The following ATP13A4 variants were observed in gnomAD, a reference collection of about 807,000 sequenced individuals.
ATP13A4 encodes the protein ATPase 13A4, also known as probable cation-transporting ATPase 13A4.
In ATP13A4, 114 loss-of-function variants were observed where a neutral mutation model predicts 142.5. That is an observed-to-expected ratio of 0.80 (90% CI 0.69 to 0.93). The LOEUF (loss-of-function observed/expected upper bound fraction) is 0.93. Ranked by LOEUF, ATP13A4 falls within the 40% of genes least tolerant of loss-of-function variation. The probability of loss-of-function intolerance (pLI) is 0.00; values close to 1 mark genes in which losing one functional copy is unlikely to be tolerated. For synonymous variants in ATP13A4, 488 were observed against 514.8 expected, an observed-to-expected ratio of 0.95 and a Z score of 0.70; for missense variants, 1,392 against 1,454.0, an observed-to-expected ratio of 0.96 and a Z score of 0.69.
chr3:193,479,740 C>A (rs185379352), intron 8 of ATP13A4, among the ~76,000 whole-genome samples: 1 of 152,250 alleles, frequency 6.6e-6, no homozygotes, highest in Non-Finnish European at 1.5e-5. Flanking sequence ...ATACCATCAT[C>A]ATTCTTCACA....
At chr3:193,494,457 C>A (rs1720116450) in intron 3 of ATP13A4, among the ~76,000 whole-genome samples, 1 of 151,862 alleles carries the variant, frequency 6.6e-6, no homozygotes, top group South Asian at 2.1e-4. Flanking sequence ...GTAGAAATCA[C>A]TAAGGAAGCA....
At chr3:193,479,923 T>G (rs952180639) in intron 8 of ATP13A4, among the ~76,000 whole-genome samples, 7 of 152,142 alleles carry the variant, frequency 4.6e-5, no homozygotes, top group African/African-American at 1.4e-4. Flanking sequence ...AATGGGGATA[T>G]AGACCAATGG....
At chr3:193,589,246 T>C (rs544155297) in intron 1 of ATP13A4, among the ~76,000 whole-genome samples, 18 of 152,234 alleles carry the variant, frequency 1.2e-4, no homozygotes, top group African/African-American at 3.9e-4. Flanking sequence ...CGACTAGGGT[T>C]CATAGGAAGT....
intron 8 of ATP13A4, among the ~76,000 whole-genome samples, chr3:193,477,772 C>T (rs970977579): frequency 6.6e-6 from 1 of 152,000 alleles, no homozygotes; most frequent in African/African-American, 2.4e-5. Flanking sequence ...AGCTTGAGTT[C>T]ATAGAGCAGA....
At chr3:193,515,648 A>T (rs759683196) in intron 1 of ATP13A4, among the ~76,000 whole-genome samples, 4 of 152,208 alleles carry the variant, frequency 2.6e-5, no homozygotes, top group African/African-American at 4.8e-5. Context: ...CAGAGGATAC[A>T]TACAAGACAA....
intron 17 of ATP13A4, among the ~76,000 whole-genome samples, chr3:193,448,949 G>A (rs550105420): frequency 6.6e-6 from 1 of 151,424 alleles, no homozygotes; most frequent in Non-Finnish European, 1.5e-5. Flanking sequence ...ACAAAGGGGA[G>A]TTTTAGTTCT....
At chr3:193,503,040 G>C (rs767823464) in intron 2 of ATP13A4, among the ~76,000 whole-genome samples, 10 of 151,840 alleles carry the variant, frequency 6.6e-5, no homozygotes, top group East Asian at 5.8e-4. Flanking sequence ...GGCGGGGCAG[G>C]GGGGGGAACT....
chr3:193,472,608 T>A (rs1009132266), intron 8 of ATP13A4, among the ~76,000 whole-genome samples: 2 of 152,254 alleles, frequency 1.3e-5, no homozygotes, highest in African/African-American at 4.8e-5. Flanking sequence ...TTTGTGTTAG[T>A]TGTGCGTCGC....
intron 2 of ATP13A4, among the ~76,000 whole-genome samples, chr3:193,503,521 G>A (rs1720676275): frequency 6.6e-6 from 1 of 152,240 alleles, no homozygotes; most frequent in Admixed American, 6.5e-5. Context: ...AACAGAAAAA[G>A]TCAAACGTGG....
intron 26 of ATP13A4, 122 bp downstream of exon 26, chr3:193,414,457 G>A: frequency 9.1e-7 from 1 of 1,095,998 alleles, no homozygotes; most frequent in Non-Finnish European, 1.4e-6. Context: ...ATTTGCCCAA[G>A]GGACTTTAAA....
intron 23 of ATP13A4, among the ~76,000 whole-genome samples, chr3:193,438,264 G>T (rs1716415896): frequency 6.6e-6 from 1 of 152,148 alleles, no homozygotes; most frequent in Non-Finnish European, 1.5e-5. Context: ...AACCTAATCA[G>T]TGAATTCACT....
At chr3:193,453,585 T>C (rs1473369027) in intron 17 of ATP13A4, among the ~76,000 whole-genome samples, 2 of 152,224 alleles carry the variant, frequency 1.3e-5, no homozygotes, top group African/African-American at 4.8e-5. Flanking sequence ...TTCTCTAGTA[T>C]GGCACCTCAG....
intron 8 of ATP13A4, among the ~76,000 whole-genome samples, chr3:193,479,307 C>G (rs1719153790): frequency 6.6e-6 from 1 of 151,986 alleles, no homozygotes; most frequent in Non-Finnish European, 1.5e-5. Context: ...GCATCCAAAT[C>G]AGTAAAGAGG....
intron 10 of ATP13A4, 148 bp from the exon 11 acceptor site, chr3:193,466,330 A>G: frequency 2.0e-6 from 2 of 1,012,354 alleles, no homozygotes; most frequent in East Asian, 2.5e-5. Context: ...AGAAAAATAC[A>G]TAAATGCTGG....
At chr3:193,578,785 A>T (rs1724467009) in intron 2 of ATP13A4, 1 of 152,588 alleles carries the variant, frequency 6.6e-6, no homozygotes, top group Admixed American at 6.6e-5. Flanking sequence ...CTGGACACCC[A>T]TCTTCTCCTA....
intron 2 of ATP13A4, among the ~76,000 whole-genome samples, chr3:193,572,200 A>G (rs1409019447): frequency 6.6e-6 from 1 of 152,192 alleles, no homozygotes; most frequent in African/African-American, 2.4e-5. Flanking sequence ...GTGAGCCGAG[A>G]TCATGCCACT....
At chr3:193,479,888 C>A (rs1719189994) in intron 8 of ATP13A4, among the ~76,000 whole-genome samples, 1 of 152,096 alleles carries the variant, frequency 6.6e-6, no homozygotes, top group African/African-American at 2.4e-5. Context: ...CCACAGTCAC[C>A]AAAACAGCAT....
intron 2 of ATP13A4, among the ~76,000 whole-genome samples, chr3:193,562,651 G>C (rs1724044359): frequency 6.6e-6 from 1 of 152,066 alleles, no homozygotes; most frequent in Non-Finnish European, 1.5e-5. Flanking sequence ...GTGTGCAGAT[G>C]ATGAGGTCAG....
At chr3:193,411,924 C>T (rs1714784234) in intron 27 of ATP13A4, among the ~76,000 whole-genome samples, 1 of 152,072 alleles carries the variant, frequency 6.6e-6, no homozygotes, top group South Asian at 2.1e-4. Flanking sequence ...TGGAGTGATC[C>T]CAAGAAAGAC....
Sources: gnomAD v4.1 joint callset for allele counts (sites outside exome capture counted in the v4.1 genomes callset) on GRCh38, gnomAD v4.1.1 for gene constraint, MANE v1.5 for transcripts, NCBI Gene and HGNC (gene_info 2026-07-23, HGNC 2026-07-21) for gene names.